CNBD1: variants seen among roughly 807,000 people sequenced by gnomAD.
The protein encoded by CNBD1 is cyclic nucleotide binding domain containing 1.
A neutral mutation model predicts 54.4 loss-of-function variants in CNBD1; 71 were observed. That is an observed-to-expected ratio of 1.30 (90% CI 1.08 to 1.59). CNBD1 has a LOEUF of 1.59. Among genes scored for constraint, CNBD1 ranks in the 40% most tolerant of loss-of-function variants. The pLI, the probability that CNBD1 is intolerant of heterozygous loss-of-function variation, is 0.00. For missense variants in CNBD1, 659 were observed against 518.0 expected (o/e 1.27, Z -2.64); for synonymous variants, 182 against 170.7 (o/e 1.07, Z -0.51).
At position 86,949,947 on chromosome 8, in the gene CNBD1, C is replaced by CT. The variant is rs770744308; in HGVS notation, c.431+10220dup. ...AAGAGATGTTATACTTCATCAAATG[C>CT]TTTTTTTTTTTTTTTTTTTTTTTTT... On this transcript the variant is annotated intron_variant, in intron 4 of 10. Transcript: ENST00000518476. Among the ~76,000 whole-genome samples, 94 of 15,700 alleles carry CT rather than the reference C, an allele frequency of 6.0e-3. 38 individuals carry two copies. The highest frequency in any genetic ancestry group is 7.1e-3 in the Non-Finnish European group (65 of 9,128). The allele number at this position is 15,700 out of a possible 152,430, so 10.3% of individuals were successfully genotyped here. A position where few individuals can be genotyped will look rare whatever the true frequency, so the allele number is the denominator to read the frequency against.
At chr8:87,241,674 A>T (rs1169393846) in intron 6 of CNBD1, among the ~76,000 whole-genome samples, 5 of 152,180 alleles carry the variant, frequency 3.3e-5, no homozygotes, top group African/African-American at 1.2e-4. Context: ...TCTAGGAGTG[A>T]GATTACAAAG....
chr8:87,281,598 A>G (rs892686145), intron 6 of CNBD1, among the ~76,000 whole-genome samples: 7 of 82,810 alleles, frequency 8.5e-5, no homozygotes, highest in African/African-American at 2.7e-4. Context: ...ATATATATAT[A>G]TATAACTAAT....
intron 2 of CNBD1, among the ~76,000 whole-genome samples, chr8:86,901,202 T>C (rs1158058029): frequency 3.3e-5 from 5 of 152,292 alleles, no homozygotes; most frequent in African/African-American, 4.8e-5. Flanking sequence ...ATGCATATTG[T>C]ATATATAAAA....
chr8:86,994,452 G>A (rs953289547), intron 4 of CNBD1, among the ~76,000 whole-genome samples: 1 of 152,234 alleles, frequency 6.6e-6, no homozygotes, highest in African/African-American at 2.4e-5. Flanking sequence ...TAATTGGAGA[G>A]AGATGTGGAA....
chr8:86,928,286 T>C (rs977798989), intron 3 of CNBD1, among the ~76,000 whole-genome samples: 1 of 152,158 alleles, frequency 6.6e-6, no homozygotes, highest in Admixed American at 6.5e-5. Context: ...CTTACCCCCA[T>C]TTTGTGAAGA....
chr8:87,267,508 C>G (rs1030916810), intron 6 of CNBD1, among the ~76,000 whole-genome samples: 17 of 151,988 alleles, frequency 1.1e-4, no homozygotes, highest in African/African-American at 4.1e-4. Flanking sequence ...TGGCTTATAA[C>G]AAAGAAATCG....
chr8:86,982,995 G>C (rs998914169), intron 4 of CNBD1, among the ~76,000 whole-genome samples: 4 of 152,034 alleles, frequency 2.6e-5, no homozygotes, highest in South Asian at 2.1e-4. Flanking sequence ...AAGTAATTTT[G>C]ACATTTATTT....
intron 6 of CNBD1, among the ~76,000 whole-genome samples, chr8:87,278,291 T>C (rs955929332): frequency 2.6e-5 from 4 of 151,744 alleles, no homozygotes; most frequent in East Asian, 1.9e-4. Flanking sequence ...GCAGTACTGA[T>C]TGAAATTTTT....
intron 2 of CNBD1, among the ~76,000 whole-genome samples, chr8:87,396,710 A>G (rs1232348999): frequency 6.6e-6 from 1 of 151,576 alleles, no homozygotes; most frequent in African/African-American, 2.4e-5. Flanking sequence ...TAATTTTATC[A>G]TATCAGTAGT....
At chr8:86,990,059 CTATA>C (rs1808709678) in intron 4 of CNBD1, among the ~76,000 whole-genome samples, 1 of 152,090 alleles carries the variant, frequency 6.6e-6, no homozygotes, top group African/African-American at 2.4e-5. Context: ...AGATTCTTTG[CTATA>C]GAATTGTTCA....
intron 6 of CNBD1, among the ~76,000 whole-genome samples, chr8:87,245,601 TTATG>T (rs1807785766): frequency 6.6e-6 from 1 of 151,418 alleles, no homozygotes; most frequent in Non-Finnish European, 1.5e-5. Context: ...AATTTCAACT[TTATG>T]TAAGATTAAA....
chr8:87,419,800 A>C (rs1244354648), intron 2 of CNBD1, among the ~76,000 whole-genome samples: 1 of 151,790 alleles, frequency 6.6e-6, no homozygotes, highest in East Asian at 1.9e-4. Flanking sequence ...AATTTAAGGA[A>C]AACATGTCAA....
intron 4 of CNBD1, among the ~76,000 whole-genome samples, chr8:87,001,575 G>A (rs1210627075): frequency 6.6e-6 from 1 of 152,106 alleles, no homozygotes; most frequent in Non-Finnish European, 1.5e-5. Context: ...AGTTGAATGA[G>A]CTAAACTTCA....
chr8:87,392,022 A>G (rs1278223290), intron 2 of CNBD1, among the ~76,000 whole-genome samples: 1 of 152,028 alleles, frequency 6.6e-6, no homozygotes, highest in East Asian at 1.9e-4. Context: ...GCCTTTCTCT[A>G]AAGAAGAATG....
At chr8:87,288,064 A>G (rs1260279227) in intron 8 of CNBD1, among the ~76,000 whole-genome samples, 1 of 152,024 alleles carries the variant, frequency 6.6e-6, no homozygotes, top group African/African-American at 2.4e-5. Flanking sequence ...ATATTTCTAA[A>G]TTCCCCATGT....
chr8:87,049,658 A>G (rs1188536561), intron 4 of CNBD1, among the ~76,000 whole-genome samples: 1 of 152,160 alleles, frequency 6.6e-6, no homozygotes, highest in African/African-American at 2.4e-5. Flanking sequence ...AATCATGTTC[A>G]GGTTCTCTGG....
chr8:87,318,790 G>T (rs1021713434), intron 8 of CNBD1, among the ~76,000 whole-genome samples: 1 of 152,068 alleles, frequency 6.6e-6, no homozygotes. Context: ...TGACCAGGCA[G>T]ACCCTCAGTC....
At chr8:87,321,486 G>C (rs796643687) in intron 8 of CNBD1, among the ~76,000 whole-genome samples, 3 of 152,184 alleles carry the variant, frequency 2.0e-5, no homozygotes, top group African/African-American at 4.8e-5. Flanking sequence ...TCTACATTTG[G>C]ATGTCTTTGG....
intron 2 of CNBD1, among the ~76,000 whole-genome samples, chr8:87,427,927 C>T (rs1332186930): frequency 2.0e-5 from 3 of 152,154 alleles, no homozygotes; most frequent in East Asian, 1.9e-4. Flanking sequence ...GATCACAGAC[C>T]TTCACCAAAG....
Sources: gnomAD v4.1 joint callset for allele counts (sites outside exome capture counted in the v4.1 genomes callset) on GRCh38, gnomAD v4.1.1 for gene constraint, MANE v1.5 for transcripts, NCBI Gene and HGNC (gene_info 2026-07-23, HGNC 2026-07-21) for gene names.